The following ISG15 variants were observed in gnomAD, a reference collection of about 807,000 sequenced individuals.
The protein encoded by ISG15 is ISG15 ubiquitin like modifier, also known as ubiquitin-like protein ISG15.
A neutral mutation model predicts 2.4 loss-of-function variants in ISG15; 2 were observed. The observed-to-expected ratio is 0.82, with a 90% CI of 0.33 to 2.57. The LOEUF (loss-of-function observed/expected upper bound fraction) is 2.57. ISG15 is among the 30% of genes most tolerant of loss of function. The pLI, the probability that ISG15 is intolerant of heterozygous loss-of-function variation, is 0.11. For missense variants in ISG15, 224 were observed against 228.4 expected, an observed-to-expected ratio of 0.98 and a Z score of 0.13; for synonymous variants, 116 against 108.1, an observed-to-expected ratio of 1.07 and a Z score of -0.45.
chr1:1,014,341 C>G lies in ISG15; in HGVS notation c.361C>G (p.Leu121Val), dbSNP rs1399861314. ...CGGGCTGGAGGGTGTGCAGGACGACCTGTTCTGGCTGACCTTCGAGGGGAA... is the reference window on the plus strand; with the variant it reads ...CGGGCTGGAGGGTGTGCAGGACGACGTGTTCTGGCTGACCTTCGAGGGGAA... The part of the protein sequence containing the change: ...VSGLEGVQDD[L>V]FWLTFEGKPL... Residue 121 changes from leucine to valine, a missense_variant, in exon 2 of 2, where the codon CTG (leucine) becomes GTG (valine). Transcript: ENST00000649529. 2 of 1,613,544 alleles carry G rather than the reference C, an allele frequency of 1.2e-6. No individual in the cohort carries two copies. The highest frequency in any genetic ancestry group is 1.7e-6 in the Non-Finnish European group (2 of 1,180,032).
intron 1 of ISG15, 99 bp downstream of exon 1, chr1:1,013,675 G>T (rs1350359409): frequency 7.6e-7 from 1 of 1,309,314 alleles, no homozygotes; most frequent in East Asian, 2.3e-5. Context: ...AGGGAGAGCG[G>T]AGCTGCTCAG....
Position 1,014,221 on chromosome 1 carries a change from C to A in ISG15, c.241C>A (p.Pro81Thr), listed in dbSNP as rs1186701638. ...GCTGGTGGTGGACAAATGCGACGAACCTCTGAGCATCCTGGTGAGGAATAA... is the reference window on the plus strand; with the variant it reads ...GCTGGTGGTGGACAAATGCGACGAAACTCTGAGCATCCTGGTGAGGAATAA... ...VLLVVDKCDE[P>T]LSILVRNNKG... The change falls in exon 2 of 2, where the codon CCT becomes ACT. Residue 81 changes from proline to threonine, a missense_variant. By Grantham distance (38) the Pro-to-Thr change is conservative. Transcript: ENST00000649529. 3 of 1,613,486 alleles carry A rather than the reference C, an allele frequency of 1.9e-6. No individual in the cohort carries two copies. Among genetic ancestry groups the A allele is most frequent in the South Asian group, 2.2e-5 (2 of 91,096 alleles).
At chr1:1,013,620 G>C in intron 1 of ISG15, 44 bp downstream of exon 1, 1 of 1,607,686 alleles carries the variant, frequency 6.2e-7, no homozygotes, top group Non-Finnish European at 8.5e-7. Context: ...CTCTGTGCCA[G>C]CCAATTTTCG....
In ISG15 at chr1:1,014,367, G is replaced by A; in HGVS notation, c.387G>A (p.Lys129=). ...DDLFWLTFEG[K]PLEDQLPLGE... Reference sequence around the variant, plus strand: ...TGTTCTGGCTGACCTTCGAGGGGAAGCCCCTGGAGGACCAGCTCCCGCTGG... The same window carrying A: ...TGTTCTGGCTGACCTTCGAGGGGAAACCCCTGGAGGACCAGCTCCCGCTGG... Residue 129 remains lysine, a synonymous_variant, in exon 2 of 2, where the codon AAG becomes AAA. Transcript: ENST00000649529. The A allele has an allele frequency of 6.2e-7, 1 of 1,613,496 alleles. No homozygotes were observed. Among genetic ancestry groups the A allele is most frequent in the Non-Finnish European group, 8.5e-7 (1 of 1,180,034 alleles).
rs546904291 is a variant in ISG15 at position 1,014,514 on chromosome 1, G to T, written c.*36G>T. ...CAGCATCCGAGCAGGATCAAGGGCC[G>T]GAAATAAAGGCTGTTGTAAAGAGAA... On this transcript the variant is annotated 3_prime_UTR_variant, in exon 2 of 2. Coordinates refer to ENST00000649529, the MANE Select transcript of ISG15 (RefSeq NM_005101.4). 207 of 1,558,592 alleles carry T rather than the reference G, an allele frequency of 1.3e-4. 3 individuals carry two copies. In the South Asian group the frequency reaches 2.2e-3, roughly 17 times the overall value.
In ISG15 at chr1:1,014,359, G is replaced by C; in HGVS notation, c.379G>C (p.Glu127Gln). The C allele has an allele frequency of 6.2e-7, 1 of 1,613,522 alleles. No homozygotes were observed. Among genetic ancestry groups the C allele is most frequent in the Non-Finnish European group, 8.5e-7 (1 of 1,180,020 alleles). Reference sequence around the variant, plus strand: ...GGACGACCTGTTCTGGCTGACCTTCGAGGGGAAGCCCCTGGAGGACCAGCT... The same window carrying C: ...GGACGACCTGTTCTGGCTGACCTTCCAGGGGAAGCCCCTGGAGGACCAGCT... ...VQDDLFWLTF[E>Q]GKPLEDQLPL... The change falls in exon 2 of 2, where the codon GAG (glutamate) becomes CAG (glutamine). Residue 127 changes from glutamate (E) to glutamine (Q), a missense_variant. Coordinates refer to ENST00000649529, the MANE Select transcript of ISG15 (RefSeq NM_005101.4).
chr1:1,013,642 C>A (rs1644244734), intron 1 of ISG15, 66 bp downstream of exon 1: 2 of 1,558,604 alleles, frequency 1.3e-6, no homozygotes, highest in Admixed American at 1.7e-5. Context: ...CTCCCTCCCC[C>A]AGCCAAGGTC....
chr1:1,013,634 C>T (rs1644244710), intron 1 of ISG15, 58 bp downstream of exon 1: 4 of 1,594,718 alleles, frequency 2.5e-6, no homozygotes, highest in African/African-American at 1.3e-5. Context: ...ATTTTCGTCT[C>T]CCTCCCCCAG....
At position 1,014,335 on chromosome 1, in the gene ISG15, G is replaced by A. The variant is rs749725190; in HGVS notation, c.355G>A (p.Asp119Asn). The change falls in exon 2 of 2, where the codon GAC becomes AAC. Residue 119 changes from aspartate (D) to asparagine (N), a missense_variant. Coordinates refer to ENST00000649529, the MANE Select transcript of ISG15 (RefSeq NM_005101.4). ...QQVSGLEGVQDDLFWLTFEGK... is the reference protein window; with the variant it reads ...QQVSGLEGVQNDLFWLTFEGK... ...AGTGAGCGGGCTGGAGGGTGTGCAGGACGACCTGTTCTGGCTGACCTTCGA... is the reference window on the plus strand; with the variant it reads ...AGTGAGCGGGCTGGAGGGTGTGCAGAACGACCTGTTCTGGCTGACCTTCGA... 4 of 1,613,684 alleles carry A rather than the reference G, an allele frequency of 2.5e-6. No individual in the cohort carries two copies. The highest frequency in any genetic ancestry group is 3.4e-6 in the Non-Finnish European group (4 of 1,180,018).
In ISG15 at chr1:1,014,267, A is replaced by G. The variant is rs1407064035; in HGVS notation, c.287A>G (p.Tyr96Cys). The G allele has an allele frequency of 1.2e-6, 2 of 1,613,616 alleles. No homozygotes were observed. Among genetic ancestry groups the G allele is most frequent in the Non-Finnish European group, 8.5e-7 (1 of 1,179,948 alleles). Residue 96 changes from tyrosine (Y) to cysteine (C), a missense_variant, in exon 2 of 2, where the codon TAC becomes TGC. Transcript: ENST00000649529. ...VRNNKGRSST[Y>C]EVRLTQTVAH... ...AATAACAAGGGCCGCAGCAGCACCT[A>G]CGAGGTACGGCTGACGCAGACCGTG...
Position 1,014,297 on chromosome 1 carries a change from A to G in ISG15, c.317A>G (p.His106Arg), listed in dbSNP as rs752531303. ...YEVRLTQTVAHLKQQVSGLEG... is the reference protein window; with the variant it reads ...YEVRLTQTVARLKQQVSGLEG... ...GTACGGCTGACGCAGACCGTGGCCC[A>G]CCTGAAGCAGCAAGTGAGCGGGCTG... The change falls in exon 2 of 2, where the codon CAC (histidine) becomes CGC (arginine). Residue 106 changes from histidine to arginine, a missense_variant. By Grantham distance (29) the His-to-Arg change is conservative. Transcript: ENST00000649529. 3.7e-6 allele frequency: 6 copies of G among 1,613,560 alleles called. No individual in the cohort carries two copies. In the East Asian group the frequency reaches 8.9e-5, roughly 24 times the overall value.
At position 1,014,342 on chromosome 1, in the gene ISG15, T is replaced by C; in HGVS notation, c.362T>C (p.Leu121Pro). 6.2e-7 allele frequency: 1 copy of C among 1,613,652 alleles called. No individual in the cohort carries two copies. The highest frequency in any genetic ancestry group is 2.2e-5 in the East Asian group (1 of 44,888). The stretch of plus-strand genomic sequence containing the variant: ...GGGCTGGAGGGTGTGCAGGACGACC[T>C]GTTCTGGCTGACCTTCGAGGGGAAG... ...VSGLEGVQDDLFWLTFEGKPL... is the reference protein window; with the variant it reads ...VSGLEGVQDDPFWLTFEGKPL... The change falls in exon 2 of 2, where the codon CTG becomes CCG. Residue 121 changes from leucine to proline, a missense_variant. Leu to Pro is a moderately conservative substitution (Grantham distance 98). Coordinates refer to ENST00000649529, the MANE Select transcript of ISG15 (RefSeq NM_005101.4).
rs1427632109 is a variant in ISG15, at chr1:1,013,617, C to G, written c.3+41C>G. 4.4e-6 allele frequency: 7 copies of G among 1,609,040 alleles called. No individual in the cohort carries two copies. The African/African-American group carries it at 5.3e-5, about 12-fold the overall frequency. On this transcript the variant is annotated intron_variant, in intron 1 of 1. Transcript: ENST00000649529. ...CAGGTGGGGGGAGGTGGGCTCTGTGCCAGCCAATTTTCGTCTCCCTCCCCC... is the reference window on the plus strand; with the variant it reads ...CAGGTGGGGGGAGGTGGGCTCTGTGGCAGCCAATTTTCGTCTCCCTCCCCC...
intron 1 of ISG15, 61 bp from the exon 2 acceptor site, chr1:1,013,923 C>A: frequency 6.5e-7 from 1 of 1,537,202 alleles, no homozygotes; most frequent in Non-Finnish European, 8.8e-7. Context: ...GCAGCCAGTG[C>A]CTTGTGTGTG....
chr1:1,014,224 C>T lies in ISG15; in HGVS notation c.244C>T (p.Leu82=). 1 of 1,613,614 alleles carries T rather than the reference C, an allele frequency of 6.2e-7. No individual in the cohort carries two copies. Among genetic ancestry groups the T allele is most frequent in the East Asian group, 2.2e-5 (1 of 44,886 alleles). The part of the protein sequence containing the change: ...LLVVDKCDEP[L]SILVRNNKGR... The stretch of plus-strand genomic sequence containing the variant: ...GGTGGTGGACAAATGCGACGAACCT[C>T]TGAGCATCCTGGTGAGGAATAACAA... Residue 82 remains leucine (L), a synonymous_variant, in exon 2 of 2, where the codon CTG becomes TTG. Coordinates refer to ENST00000649529, the MANE Select transcript of ISG15 (RefSeq NM_005101.4).
At chr1:1,013,668 G>A (rs1356572249) in intron 1 of ISG15, 92 bp downstream of exon 1, 2 of 1,423,038 alleles carry the variant, frequency 1.4e-6, no homozygotes. Flanking sequence ...GGGGTGCAGG[G>A]AGAGCGGAGC....
Position 1,013,966 on chromosome 1 carries a change from C to A in ISG15, c.4-18C>A, listed in dbSNP as rs1459220651. 1 of 1,579,568 alleles carries A rather than the reference C, an allele frequency of 6.3e-7. No individual in the cohort carries two copies. Among genetic ancestry groups the A allele is most frequent in the Non-Finnish European group, 8.6e-7 (1 of 1,159,398 alleles). On this transcript the variant is annotated intron_variant, in intron 1 of 1. Transcript: ENST00000649529. ...TGGGGCTGGCGCCGCAGTCTCTGAA[C>A]CTGTGTGACGCCTGCAGGGCTGGGA...
chr1:1,013,649 G>A (rs1644244764), intron 1 of ISG15, 73 bp downstream of exon 1: 6 of 1,528,660 alleles, frequency 3.9e-6, no homozygotes, highest in Non-Finnish European at 5.4e-6. Flanking sequence ...CCCCAGCCAA[G>A]GTCTCCCAGG....
In ISG15 at chr1:1,014,098, G is replaced by T. The variant is rs201238613; in HGVS notation, c.118G>T (p.Ala40Ser). 6.2e-7 allele frequency: 1 copy of T among 1,613,198 alleles called. No individual in the cohort carries two copies. The highest frequency in any genetic ancestry group is 8.5e-7 in the Non-Finnish European group (1 of 1,179,698). The change falls in exon 2 of 2, where the codon GCC becomes TCC. Residue 40 changes from alanine to serine, a missense_variant. Ala to Ser is a moderately conservative substitution (Grantham distance 99, BLOSUM62 1). Coordinates refer to ENST00000649529, the MANE Select transcript of ISG15 (RefSeq NM_005101.4). ...GATCACCCAGAAGATCGGCGTGCAC[G>T]CCTTCCAGCAGCGTCTGGCTGTCCA... ...AQITQKIGVH[A>S]FQQRLAVHPS...
Sources: gnomAD v4.1 joint callset for allele counts on GRCh38, gnomAD v4.1.1 for gene constraint, MANE v1.5 for transcripts, NCBI Gene and HGNC (gene_info 2026-07-23, HGNC 2026-07-21) for gene names.